Variants in RMND1 observed in about 807,000 individuals in gnomAD.
RMND1 encodes the protein required for meiotic nuclear division protein 1 homolog.
A neutral mutation model predicts 54.0 loss-of-function variants in RMND1; 41 were observed. The ratio of observed to expected loss-of-function variants is 0.76; its 90% CI spans 0.59 to 0.98. The LOEUF is 0.98. Ranked by LOEUF, RMND1 falls within the 50% of genes least tolerant of loss-of-function variation. The probability of loss-of-function intolerance (pLI) is 0.00; values close to 1 mark genes in which losing one functional copy is unlikely to be tolerated. For synonymous variants in RMND1, 183 were observed against 181.7 expected (o/e 1.01, Z -0.06); for missense variants, 457 against 532.0 (o/e 0.86, Z 1.39).
chr6:151,405,622 CTG>C (rs1779588067), intron 11 of RMND1, 96 bp downstream of exon 11: 9 of 682,444 alleles, frequency 1.3e-5, no homozygotes, highest in Non-Finnish European at 2.3e-5. Flanking sequence ...AGCCTCTTTT[CTG>C]CTAATAATTT....
chr6:151,421,099 G>A, intron 9 of RMND1, 146 bp downstream of exon 9: 2 of 628,254 alleles, frequency 3.2e-6, no homozygotes, highest in East Asian at 2.8e-5. Flanking sequence ...ATGGGTAAGA[G>A]TTCTCCCTGC....
chr6:151,412,272 G>T (rs1779867957), intron 10 of RMND1, among the ~76,000 whole-genome samples: 1 of 151,940 alleles, frequency 6.6e-6, no homozygotes, highest in South Asian at 2.1e-4. Context: ...GAAGTGCTGG[G>T]ATTACAGGTG....
At chr6:151,448,525 G>A (rs1454566097) in intron 1 of RMND1, among the ~76,000 whole-genome samples, 1 of 152,126 alleles carries the variant, frequency 6.6e-6, no homozygotes, top group Non-Finnish European at 1.5e-5. Flanking sequence ...CCAAAAACGT[G>A]GGGTCCAGCT....
intron 10 of RMND1, chr6:151,413,978 T>A (rs1408536133): frequency 6.6e-6 from 1 of 152,224 alleles, no homozygotes; most frequent in East Asian, 1.9e-4. Flanking sequence ...CAAGGGGCGG[T>A]GTCTAGCTTA....
At chr6:151,431,540 T>C (rs1780448213) in intron 4 of RMND1, among the ~76,000 whole-genome samples, 1 of 152,120 alleles carries the variant, frequency 6.6e-6, no homozygotes, top group Admixed American at 6.6e-5. Context: ...AGAGAATCCC[T>C]TCCAGGCAGA....
intron 2 of RMND1, chr6:151,444,743 G>A (rs1780901275): frequency 6.6e-6 from 1 of 152,346 alleles, no homozygotes; most frequent in African/African-American, 2.4e-5. Context: ...TGTTACTGAA[G>A]GAGAAATGCA....
intron 2 of RMND1, among the ~76,000 whole-genome samples, chr6:151,443,944 C>T (rs1366724396): frequency 1.3e-5 from 2 of 152,138 alleles, no homozygotes; most frequent in Non-Finnish European, 2.9e-5. Context: ...TTCATGTCAA[C>T]TATTTGCTCT....
At chr6:151,441,055 A>T (rs1463049859) in intron 2 of RMND1, among the ~76,000 whole-genome samples, 1 of 152,212 alleles carries the variant, frequency 6.6e-6, no homozygotes, top group African/African-American at 2.4e-5. Flanking sequence ...GTTTTAAAAA[A>T]CCCAAAAAGC....
chr6:151,418,185 G>A (rs988531526), intron 9 of RMND1, among the ~76,000 whole-genome samples: 5 of 152,200 alleles, frequency 3.3e-5, no homozygotes, highest in African/African-American at 9.6e-5. Context: ...AGGCCAAGGC[G>A]GGCAGATTGC....
intron 5 of RMND1, among the ~76,000 whole-genome samples, chr6:151,428,194 C>T (rs540139029): frequency 6.6e-6 from 1 of 152,266 alleles, no homozygotes; most frequent in East Asian, 1.9e-4. Flanking sequence ...GGGAGGTGAT[C>T]ATCTCTTTCT....
chr6:151,422,668 A>G, intron 7 of RMND1, 63 bp from the exon 8 acceptor site: 1 of 701,206 alleles, frequency 1.4e-6, no homozygotes, highest in Admixed American at 3.2e-5. Context: ...TATAAAATAC[A>G]TAATTGCACA....
intron 2 of RMND1, among the ~76,000 whole-genome samples, chr6:151,440,394 G>A (rs113962732): frequency 0.1 from 15,210 of 152,234 alleles, 825 homozygotes; most frequent in Middle Eastern, 0.18. Flanking sequence ...CGACACTAAC[G>A]GCAAATTGAG....
intron 1 of RMND1, among the ~76,000 whole-genome samples, chr6:151,447,845 G>C (rs1419889654): frequency 7.8e-6 from 1 of 128,780 alleles, no homozygotes; most frequent in East Asian, 2.2e-4. Context: ...TGGGAGTCTC[G>C]CTCTGTCACT....
intron 1 of RMND1, among the ~76,000 whole-genome samples, chr6:151,450,428 G>A (rs1410126976): frequency 4.3e-5 from 5 of 115,924 alleles, no homozygotes; most frequent in Admixed American, 3.8e-4. Flanking sequence ...CGCCCGGCCA[G>A]CCACCCCGTC....
rs606231472 is a variant in RMND1 at position 151,436,446 on chromosome 6, C to A, written c.613G>T (p.Asp205Tyr). The A allele has an allele frequency of 3.1e-6, 5 of 1,613,678 alleles. No individual in the cohort carries two copies. Among genetic ancestry groups the A allele is most frequent in the Non-Finnish European group, 4.2e-6 (5 of 1,179,790 alleles). ...TGGCCCCAGGTTCAAGAAGAAGTAC[C>A]TCTAGGCAAGCTTGTTACTTCAACA... ...GYVEVTSLPR[D>Y]AANILVMGVE... is the part of the protein sequence containing the mutation. Residue 205 changes from aspartate to tyrosine, a missense_variant and splice_region_variant, in exon 3 of 12, where the codon GAT becomes TAT. Coordinates refer to ENST00000444024, the MANE Select transcript of RMND1 (RefSeq NM_017909.4).
Position 151,446,422 on chromosome 6 carries a change from GAA to G in RMND1, c.-14-599_-14-598del, listed in dbSNP as rs78186986. On this transcript the variant is annotated intron_variant, in intron 1 of 11. Coordinates refer to ENST00000444024, the MANE Select transcript of RMND1 (RefSeq NM_017909.4). Reference sequence around the variant, plus strand: ...CATTCCAGCCCTTTTTCTGTCTCAGGAAAAAAAAAAAAAAAATCAGGAAAGGT... The same window carrying G: ...CATTCCAGCCCTTTTTCTGTCTCAGGAAAAAAAAAAAAAATCAGGAAAGGT... Among the ~76,000 whole-genome samples, 692 of 133,108 alleles carry G rather than the reference GAA, an allele frequency of 5.2e-3. 4 individuals are homozygous for G. Among genetic ancestry groups the G allele is most frequent in the African/African-American group, 0.017 (632 of 36,512 alleles). 87.3% of individuals were successfully genotyped at this position (133,108 alleles called of 152,430 possible).
At chr6:151,407,781 C>T (rs1423624428) in intron 10 of RMND1, among the ~76,000 whole-genome samples, 1 of 152,068 alleles carries the variant, frequency 6.6e-6, no homozygotes, top group African/African-American at 2.4e-5. Flanking sequence ...TGTGGCGGCC[C>T]CTGTTGTCCC....
In RMND1 at chr6:151,417,412, A is replaced by C; in HGVS notation, c.1080-13T>G. On this transcript the variant is annotated splice_polypyrimidine_tract_variant and intron_variant, in intron 9 of 11. Transcript: ENST00000444024. ...GTTTATACGGTGCCTTTAAAAAGGA[A>C]AATTATAACTTTTTATTTATCTTGA... 6.5e-7 allele frequency: 1 copy of C among 1,539,300 alleles called. No homozygotes were observed. Among genetic ancestry groups the C allele is most frequent in the Non-Finnish European group, 8.8e-7 (1 of 1,132,636 alleles).
intron 10 of RMND1, among the ~76,000 whole-genome samples, chr6:151,412,155 C>A (rs1257365479): frequency 6.6e-6 from 1 of 152,186 alleles, no homozygotes; most frequent in African/African-American, 2.4e-5. Context: ...GCGTCCACCA[C>A]CATGCCCAGC....
Sources: gnomAD v4.1 joint callset for allele counts (sites outside exome capture counted in the v4.1 genomes callset) on GRCh38, gnomAD v4.1.1 for gene constraint, MANE v1.5 for transcripts, NCBI Gene and HGNC (gene_info 2026-07-23, HGNC 2026-07-21) for gene names.